SLIT1: variants seen among roughly 807,000 people sequenced by gnomAD.
SLIT1 encodes slit guidance ligand 1.
In SLIT1, 66 loss-of-function variants were observed where a neutral mutation model predicts 186.1. The observed-to-expected ratio is 0.35, with a 90% CI of 0.29 to 0.44. SLIT1 has a LOEUF of 0.44. Ranked by LOEUF, SLIT1 falls within the 20% of genes least tolerant of loss-of-function variation. SLIT1 has a pLI of 1.00. For synonymous variants in SLIT1, 761 were observed against 833.8 expected, an observed-to-expected ratio of 0.91 and a Z score of 1.50; for missense variants, 1,638 against 2,037.4, an observed-to-expected ratio of 0.80 and a Z score of 3.77.
chr10:97,058,644 C>T (rs1330605949), intron 11 of SLIT1, among the ~76,000 whole-genome samples: 1 of 152,248 alleles, frequency 6.6e-6, no homozygotes, highest in Non-Finnish European at 1.5e-5. Flanking sequence ...AGGCACTGAG[C>T]TGGCAGGCTC....
At chr10:97,115,739 G>A (rs1238685733) in intron 4 of SLIT1, among the ~76,000 whole-genome samples, 4 of 152,264 alleles carry the variant, frequency 2.6e-5, no homozygotes, top group South Asian at 2.1e-4. Context: ...AAATCCAGTC[G>A]CCACCTATGA....
At chr10:97,059,972 C>T (rs1433372729) in intron 10 of SLIT1, 115 bp downstream of exon 10, 7 of 914,724 alleles carry the variant, frequency 7.7e-6, no homozygotes, top group Non-Finnish European at 1.3e-5. Context: ...AGGTGGCTGG[C>T]CAAGGCCACT....
chr10:97,097,062 C>T (rs1022097992), intron 4 of SLIT1, among the ~76,000 whole-genome samples: 2 of 152,170 alleles, frequency 1.3e-5, no homozygotes, highest in Non-Finnish European at 2.9e-5. Context: ...GCGCCTGGCA[C>T]CCCAAAAGAG....
At chr10:97,092,358 C>T (rs553634431) in intron 4 of SLIT1, among the ~76,000 whole-genome samples, 1 of 152,346 alleles carries the variant, frequency 6.6e-6, no homozygotes, top group East Asian at 1.9e-4. Flanking sequence ...GCACTCATCT[C>T]CAAGCACTTG....
chr10:97,005,248 C>T (rs549866441), intron 32 of SLIT1, among the ~76,000 whole-genome samples: 3 of 152,336 alleles, frequency 2.0e-5, no homozygotes, highest in Non-Finnish European at 4.4e-5. Context: ...GGAAGGCTCT[C>T]TGACAGCCAG....
intron 8 of SLIT1, among the ~76,000 whole-genome samples, chr10:97,062,718 C>T (rs929645232): frequency 2.6e-5 from 4 of 152,210 alleles, no homozygotes; most frequent in African/African-American, 9.6e-5. Context: ...GAGCTGCAGG[C>T]AGCAGGAGGC....
In SLIT1 at chr10:96,998,928, G is replaced by A. The variant is rs558154985; in HGVS notation, c.*2184C>T. On this transcript the variant is annotated 3_prime_UTR_variant, in exon 37 of 37. Coordinates refer to ENST00000266058, the MANE Select transcript of SLIT1 (RefSeq NM_003061.3). ...GAATGAAGAGGCCTCCTGCCAGCCA[G>A]TGCCCTTCAAGCCTGGGAATTGGCT... 4.2e-4 allele frequency: 64 copies of A among 152,552 alleles called. No individual in the cohort carries two copies. The highest frequency in any genetic ancestry group is 3.9e-3 in the South Asian group (19 of 4,840). 9.4% of individuals were successfully genotyped at this position (152,552 alleles called of 1,614,324 possible). A position where few individuals can be genotyped will look rare whatever the true frequency, so the allele number is the denominator to read the frequency against.
In SLIT1 at chr10:97,117,255, G is replaced by A. The variant is rs1415720334; in HGVS notation, c.413+40563C>T. On this transcript the variant is annotated intron_variant, in intron 4 of 36. Coordinates refer to ENST00000266058, the MANE Select transcript of SLIT1 (RefSeq NM_003061.3). ...AAGATCTGAGAATAAAGCATGTGAA[G>A]TGGGTGTCCAAAGAGCAAAGCAGGT... is the stretch of plus-strand genomic sequence containing the variant. 1.5e-4 allele frequency among the ~76,000 whole-genome samples: 23 copies of A among 151,048 alleles called. No homozygotes were observed. In the Admixed American group the frequency reaches 1.5e-3, roughly 10 times the overall value.
chr10:97,159,350 G>C (rs1180269081), intron 3 of SLIT1, among the ~76,000 whole-genome samples: 3 of 152,142 alleles, frequency 2.0e-5, no homozygotes, highest in Admixed American at 2.0e-4. Context: ...TTTAAGGGCA[G>C]GCTCCTAGGG....
intron 4 of SLIT1, among the ~76,000 whole-genome samples, chr10:97,124,920 T>C (rs1318759329): frequency 6.6e-6 from 1 of 152,178 alleles, no homozygotes; most frequent in Non-Finnish European, 1.5e-5. Context: ...AGGCAAAGGA[T>C]TCAAACAGGT....
At chr10:97,115,630 CT>C (rs777444920) in intron 4 of SLIT1, among the ~76,000 whole-genome samples, 6 of 152,086 alleles carry the variant, frequency 3.9e-5, no homozygotes, top group Non-Finnish European at 7.4e-5. Flanking sequence ...ATCCTGACCC[CT>C]GAGTCCCTCC....
chr10:97,031,584 G>A (rs1359257747), intron 24 of SLIT1, 22 bp downstream of exon 24: 15 of 1,544,784 alleles, frequency 9.7e-6, no homozygotes, highest in East Asian at 2.4e-5. Flanking sequence ...TTTCTGGCAG[G>A]ATGGTGAGTG....
At chr10:97,030,638 C>T in intron 25 of SLIT1, 119 bp downstream of exon 25, 2 of 834,518 alleles carry the variant, frequency 2.4e-6, no homozygotes, top group East Asian at 5.2e-5. Flanking sequence ...GGGAAGTTCC[C>T]AAGCTTAATT....
chr10:97,053,350 G>A (rs932392775), intron 13 of SLIT1, among the ~76,000 whole-genome samples: 1 of 152,160 alleles, frequency 6.6e-6, no homozygotes, highest in Admixed American at 6.5e-5. Context: ...ACTTGGCAAG[G>A]TTTCCCCATG....
chr10:97,041,623 C>T (rs1309117832), intron 20 of SLIT1, among the ~76,000 whole-genome samples: 1 of 152,082 alleles, frequency 6.6e-6, no homozygotes, highest in Non-Finnish European at 1.5e-5. Context: ...AGGCATGCGC[C>T]ACCATGCCTG....
chr10:97,148,478 C>CGGGGTCTTGT (rs1347469904), intron 4 of SLIT1, among the ~76,000 whole-genome samples: 3 of 151,402 alleles, frequency 2.0e-5, no homozygotes, highest in Non-Finnish European at 2.9e-5. Flanking sequence ...TTTGTAGAGC[C>CGGGGTCTTGT]TATGCTGCCC....
chr10:97,163,843 C>T (rs941932081), intron 2 of SLIT1, among the ~76,000 whole-genome samples: 5 of 152,248 alleles, frequency 3.3e-5, no homozygotes, highest in African/African-American at 9.6e-5. Context: ...TGCTGGCGCA[C>T]GTGCCCTGGC....
chr10:97,069,855 C>T (rs1848985763), intron 4 of SLIT1, among the ~76,000 whole-genome samples: 1 of 152,160 alleles, frequency 6.6e-6, no homozygotes, highest in African/African-American at 2.4e-5. Context: ...GTGGGCAGGA[C>T]TCAGTAACTT....
chr10:97,048,060 G>A, intron 14 of SLIT1, 64 bp from the exon 15 acceptor site: 4 of 1,576,494 alleles, frequency 2.5e-6, no homozygotes, highest in Non-Finnish European at 3.5e-6. Flanking sequence ...AACAGCCCAG[G>A]CCCCAGCCCC....
Sources: gnomAD v4.1 joint callset for allele counts (sites outside exome capture counted in the v4.1 genomes callset) on GRCh38, gnomAD v4.1.1 for gene constraint, MANE v1.5 for transcripts, NCBI Gene and HGNC (gene_info 2026-07-23, HGNC 2026-07-21) for gene names.